The following NEGR1 variants were observed in gnomAD, a reference collection of about 807,000 sequenced individuals.
The protein encoded by NEGR1 is IgLON family member 4.
A neutral mutation model predicts 40.9 loss-of-function variants in NEGR1; 10 were observed. That is an observed-to-expected ratio of 0.24 (90% CI 0.15 to 0.42). The LOEUF (loss-of-function observed/expected upper bound fraction) is 0.42, where lower values mean the gene tolerates loss of function less well. NEGR1 is among the 10% of genes least tolerant of loss of function. The pLI is 1.00. For synonymous variants in NEGR1, 185 were observed against 166.8 expected (o/e 1.11, Z -0.84); for missense variants, 352 against 438.9 (o/e 0.80, Z 1.77).
At position 71,707,601 on chromosome 1, in the gene NEGR1, C is replaced by T. The variant is rs1421630523; in HGVS notation, c.536-9462G>A. On this transcript the variant is annotated intron_variant, in intron 3 of 6. Coordinates refer to ENST00000357731, the MANE Select transcript of NEGR1 (RefSeq NM_173808.3). ...ACCATCCTGAAAGAAAGGACATGGG[C>T]TGGCTGGCTTTTCTGCTTGCTGACT... Among the ~76,000 whole-genome samples, 4 of 152,142 alleles carry T rather than the reference C, an allele frequency of 2.6e-5. No individual in the cohort carries two copies. The East Asian group carries it at 7.8e-4, about 30-fold the overall frequency.
chr1:71,796,676 T>C (rs1657339834), intron 2 of NEGR1, among the ~76,000 whole-genome samples: 1 of 152,124 alleles, frequency 6.6e-6, no homozygotes, highest in South Asian at 2.1e-4. Context: ...CATCAGAAAG[T>C]TTGCAAATGC....
chr1:71,447,496 T>A (rs1646590950), intron 6 of NEGR1, among the ~76,000 whole-genome samples: 1 of 152,232 alleles, frequency 6.6e-6, no homozygotes, highest in Non-Finnish European at 1.5e-5. Context: ...TTCGCTTTAT[T>A]TGCAGTTCTG....
At chr1:71,597,472 C>CTCTCTCTCTCTGTGTGTGTGTGTGTGTG (rs756076229) in intron 5 of NEGR1, among the ~76,000 whole-genome samples, 2 of 31,328 alleles carry the variant, frequency 6.4e-5, no homozygotes, top group African/African-American at 2.0e-4. Context: ...CTCTCTCTCT[C>CTCTCTCTCTCTGTGTGTGTGTGTGTGTG]TGTGTGTGTG....
intron 1 of NEGR1, among the ~76,000 whole-genome samples, chr1:72,162,477 CAAACA>C (rs975561309): frequency 6.6e-6 from 1 of 151,754 alleles, no homozygotes; most frequent in Non-Finnish European, 1.5e-5. Context: ...AACAAACAAA[CAAACA>C]AAAGAAAAAC....
chr1:71,608,291 G>T (rs2101539106), intron 5 of NEGR1, among the ~76,000 whole-genome samples: 1 of 152,260 alleles, frequency 6.6e-6, no homozygotes, highest in Non-Finnish European at 1.5e-5. Context: ...GTGTGAGTGT[G>T]TTGGGGAGGA....
intron 2 of NEGR1, among the ~76,000 whole-genome samples, chr1:71,914,767 GTC>G (rs1355881300): frequency 6.6e-6 from 1 of 152,100 alleles, no homozygotes; most frequent in Non-Finnish European, 1.5e-5. Flanking sequence ...CTCTCTCACT[GTC>G]TCTGTCTCTG....
At position 71,731,229 on chromosome 1, in the gene NEGR1, T is replaced by G. The variant is rs536173597; in HGVS notation, c.536-33090A>C. Among the ~76,000 whole-genome samples, 4 of 152,170 alleles carry G rather than the reference T, an allele frequency of 2.6e-5. No homozygotes were observed. The South Asian group carries it at 8.3e-4, about 32-fold the overall frequency. The stretch of plus-strand genomic sequence containing the variant: ...TGTATTCTAGAGCTTCTCCTCTCAT[T>G]TTTGAAAAAAATACCATATGACATA... On this transcript the variant is annotated intron_variant, in intron 3 of 6. Coordinates refer to ENST00000357731, the MANE Select transcript of NEGR1 (RefSeq NM_173808.3).
chr1:72,065,734 A>G (rs1569904339), intron 1 of NEGR1, among the ~76,000 whole-genome samples: 1 of 152,132 alleles, frequency 6.6e-6, no homozygotes, highest in Non-Finnish European at 1.5e-5. Context: ...ATACCTAAAA[A>G]TAGCAAGGGT....
At chr1:71,579,749 G>A (rs1649074621) in intron 6 of NEGR1, among the ~76,000 whole-genome samples, 1 of 152,062 alleles carries the variant, frequency 6.6e-6, no homozygotes, top group Non-Finnish European at 1.5e-5. Context: ...AACCTATTGT[G>A]ATGTTAATGT....
At chr1:71,928,521 TAC>T (rs1557439544) in intron 2 of NEGR1, among the ~76,000 whole-genome samples, 2 of 145,798 alleles carry the variant, frequency 1.4e-5, no homozygotes, top group Non-Finnish European at 3.0e-5. Context: ...TGTATATATA[TAC>T]ACACATCTAT....
At chr1:71,814,707 T>C (rs1199678320) in intron 2 of NEGR1, among the ~76,000 whole-genome samples, 2 of 152,158 alleles carry the variant, frequency 1.3e-5, no homozygotes, top group East Asian at 3.9e-4. Flanking sequence ...ACAGAAGTGT[T>C]CATAGTATTA....
At chr1:71,476,351 A>G (rs1383456165) in intron 6 of NEGR1, among the ~76,000 whole-genome samples, 2 of 152,154 alleles carry the variant, frequency 1.3e-5, no homozygotes, top group African/African-American at 2.4e-5. Context: ...AATAAGCAAT[A>G]TATGACTATT....
chr1:71,880,715 C>A (rs1182875686), intron 2 of NEGR1, among the ~76,000 whole-genome samples: 1 of 151,940 alleles, frequency 6.6e-6, no homozygotes. Context: ...TGACTGTATG[C>A]ATATTTCTCT....
At chr1:72,074,440 G>C (rs1354384422) in intron 1 of NEGR1, among the ~76,000 whole-genome samples, 1 of 151,210 alleles carries the variant, frequency 6.6e-6, no homozygotes, top group East Asian at 2.0e-4. Context: ...ATATCAGTTG[G>C]GAAAGGAAAA....
At chr1:72,093,613 A>G (rs1648581094) in intron 1 of NEGR1, among the ~76,000 whole-genome samples, 1 of 152,192 alleles carries the variant, frequency 6.6e-6, no homozygotes, top group Non-Finnish European at 1.5e-5. Flanking sequence ...ATGAGATATG[A>G]GAACTTTCTA....
intron 2 of NEGR1, among the ~76,000 whole-genome samples, chr1:71,931,244 G>A (rs1313223194): frequency 1.3e-5 from 2 of 152,142 alleles, no homozygotes; most frequent in Non-Finnish European, 2.9e-5. Context: ...AGAAAACTTA[G>A]AGTGTATTTC....
chr1:71,722,061 A>G lies in NEGR1; in HGVS notation c.536-23922T>C, dbSNP rs151295357. 1.4e-4 allele frequency among the ~76,000 whole-genome samples: 22 copies of G among 152,238 alleles called. No homozygotes were observed. In the East Asian group the frequency reaches 3.9e-3, roughly 27 times the overall value. ...TTTTATTTTATTCTAAGCATAACGA[A>G]ATGACATTAGGGGACTTTTCAACAA... On this transcript the variant is annotated intron_variant, in intron 3 of 6. Transcript: ENST00000357731.
chr1:71,471,634 A>G (rs560577291), intron 6 of NEGR1, among the ~76,000 whole-genome samples: 2 of 126,414 alleles, frequency 1.6e-5, no homozygotes, highest in South Asian at 5.6e-4. Context: ...GACTCTGTCT[A>G]AAACAAAACA....
intron 6 of NEGR1, among the ~76,000 whole-genome samples, chr1:71,520,180 T>C (rs1482229024): frequency 2.6e-5 from 4 of 152,012 alleles, no homozygotes; most frequent in South Asian, 2.1e-4. Context: ...TAAATTGGGA[T>C]GAAAATGACC....
Sources: gnomAD v4.1 joint callset for allele counts (sites outside exome capture counted in the v4.1 genomes callset) on GRCh38, gnomAD v4.1.1 for gene constraint, MANE v1.5 for transcripts, NCBI Gene and HGNC (gene_info 2026-07-23, HGNC 2026-07-21) for gene names.